FZD9: variants seen among roughly 807,000 people sequenced by gnomAD.
The protein encoded by FZD9 is frizzled-9.
Under a neutral mutation model 29.9 loss-of-function variants are expected in FZD9, and 29 were observed. The ratio of observed to expected loss-of-function variants is 0.97; its 90% CI spans 0.72 to 1.32. The LOEUF is 1.32. Ranked by LOEUF, FZD9 falls within the 40% of genes most tolerant of loss-of-function variation. The pLI is 0.00. For synonymous variants in FZD9, 384 were observed against 393.9 expected, an observed-to-expected ratio of 0.97 and a Z score of 0.30; for missense variants, 822 against 857.8, an observed-to-expected ratio of 0.96 and a Z score of 0.52.
Position 73,434,092 on chromosome 7 carries a change from G to T in FZD9, c.85G>T (p.Asp29Tyr). The change falls in exon 1 of 1, where the codon GAC becomes TAC. Residue 29 changes from aspartate (D) to tyrosine (Y), a missense_variant. By Grantham distance (160) the Asp-to-Tyr change is radical. Coordinates refer to ENST00000344575, the MANE Select transcript of FZD9 (RefSeq NM_003508.3). ...CGCGGCACTGGAGATCGGCCGCTTC[G>T]ACCCGGAGCGCGGGCGCGGGGCTGC... ...GGAALEIGRF[D>Y]PERGRGAAPC... is the part of the protein sequence containing the mutation. 7.2e-7 allele frequency: 1 copy of T among 1,387,896 alleles called. No homozygotes were observed. Among genetic ancestry groups the T allele is most frequent in the South Asian group, 1.7e-5 (1 of 57,486 alleles). The allele number at this position is 1,387,896 out of a possible 1,614,324, so 86.0% of individuals were successfully genotyped here.
chr7:73,434,880 C>T lies in FZD9; in HGVS notation c.873C>T (p.Ser291=), dbSNP rs782712314. Residue 291 remains serine, a synonymous_variant, in exon 1 of 1, where the codon AGC becomes AGT. Coordinates refer to ENST00000344575, the MANE Select transcript of FZD9 (RefSeq NM_003508.3). ...FLIRAVAGAQ[S]VACDQEAGAL... ...TCCGTGCGGTGGCCGGAGCGCAGAG[C>T]GTGGCCTGTGACCAGGAGGCGGGCG... is the stretch of plus-strand genomic sequence containing the variant. 1.4e-5 allele frequency: 22 copies of T among 1,613,548 alleles called. No homozygotes were observed. The highest frequency in any genetic ancestry group is 1.7e-5 in the Non-Finnish European group (20 of 1,179,964).
In FZD9 at chr7:73,434,873, C is replaced by A. The variant is rs782039651; in HGVS notation, c.866C>A (p.Ala289Glu). 2 of 1,613,506 alleles carry A rather than the reference C, an allele frequency of 1.2e-6. No individual in the cohort carries two copies. The highest frequency in any genetic ancestry group is 3.3e-5 in the Admixed American group (2 of 60,036). ...LAFLIRAVAG[A>E]QSVACDQEAG... The stretch of plus-strand genomic sequence containing the variant: ...TTCCTGATCCGTGCGGTGGCCGGAG[C>A]GCAGAGCGTGGCCTGTGACCAGGAG... Residue 289 changes from alanine to glutamate, a missense_variant, in exon 1 of 1, where the codon GCG becomes GAG. Ala to Glu is a moderately radical substitution (Grantham distance 107). Transcript: ENST00000344575.
rs1787401716 is a variant in FZD9 at position 73,435,510 on chromosome 7, G to A, written c.1503G>A (p.Gly501=). Residue 501 remains glycine (G), a synonymous_variant, in exon 1 of 1, where the codon GGG becomes GGA. Transcript: ENST00000344575. ...GCCGGAGGGACTGCTCGCTGCCAGG[G>A]GGCTCGGTGCCCACCGTGGCGGTCT... ...PGGRRDCSLP[G]GSVPTVAVFM... 1 of 1,613,166 alleles carries A rather than the reference G, an allele frequency of 6.2e-7. No individual in the cohort carries two copies. Among genetic ancestry groups the A allele is most frequent in the East Asian group, 2.2e-5 (1 of 44,876 alleles).
In FZD9 at chr7:73,435,443, G is replaced by A. The variant is rs1390816222; in HGVS notation, c.1436G>A (p.Arg479Gln). Reference sequence around the variant, plus strand: ...CTCAACATGGACTTCTGGCGCCTTCGGGCCACAGAGCAGCCATGCGCAGCG... The same window carrying A: ...CTCAACATGGACTTCTGGCGCCTTCAGGCCACAGAGCAGCCATGCGCAGCG... ...ERLNMDFWRLRATEQPCAAAA... is the reference protein window; with the variant it reads ...ERLNMDFWRLQATEQPCAAAA... Residue 479 changes from arginine (R) to glutamine (Q), a missense_variant, in exon 1 of 1, where the codon CGG (arginine) becomes CAG (glutamine). Arg to Gln is a conservative substitution (Grantham distance 43). Transcript: ENST00000344575. 7.4e-6 allele frequency: 12 copies of A among 1,613,392 alleles called. No individual in the cohort carries two copies. The highest frequency in any genetic ancestry group is 1.6e-4 in the Middle Eastern group (1 of 6,084).
Position 73,434,284 on chromosome 7 carries a change from T to G in FZD9, c.277T>G (p.Cys93Gly), listed in dbSNP as rs1554563225. The G allele has an allele frequency of 6.3e-7, 1 of 1,588,566 alleles. No homozygotes were observed. The highest frequency in any genetic ancestry group is 1.1e-5 in the South Asian group (1 of 88,548). ...CCACAGCCACCTGCGCTTCTTCCTG[T>G]GCTCGCTCTACGCGCCCATGTGCAC... ...GCHSHLRFFL[C>G]SLYAPMCTDQ... The change falls in exon 1 of 1, where the codon TGC becomes GGC. Residue 93 changes from cysteine (C) to glycine (G), a missense_variant. Physicochemically the swap from Cys to Gly is radical, Grantham distance 159 (BLOSUM62 -3). Transcript: ENST00000344575.
In FZD9 at chr7:73,434,370, C is replaced by T. The variant is rs1362204249; in HGVS notation, c.363C>T (p.Arg121=). The T allele has an allele frequency of 6.3e-7, 1 of 1,584,344 alleles. No homozygotes were observed. The highest frequency in any genetic ancestry group is 1.4e-5 in the African/African-American group (1 of 73,674). The change falls in exon 1 of 1, where the codon CGC becomes CGT. Residue 121 remains arginine, a synonymous_variant. Transcript: ENST00000344575. ...CCATGTGCGAGCAGGCGCGCCTGCGCTGCGCGCCCATCATGGAGCAGTTCA... is the reference window on the plus strand; with the variant it reads ...CCATGTGCGAGCAGGCGCGCCTGCGTTGCGCGCCCATCATGGAGCAGTTCA... ...CRPMCEQARL[R]CAPIMEQFNF... is the part of the protein sequence containing the mutation.
In FZD9 at chr7:73,435,445, G is replaced by A. The variant is rs782604860; in HGVS notation, c.1438G>A (p.Ala480Thr). The A allele has an allele frequency of 6.2e-7, 1 of 1,613,540 alleles. No homozygotes were observed. Among genetic ancestry groups the A allele is most frequent in the South Asian group, 1.1e-5 (1 of 91,086 alleles). ...RLNMDFWRLRATEQPCAAAAG... is the reference protein window; with the variant it reads ...RLNMDFWRLRTTEQPCAAAAG... ...CAACATGGACTTCTGGCGCCTTCGG[G>A]CCACAGAGCAGCCATGCGCAGCGGC... The change falls in exon 1 of 1, where the codon GCC (alanine) becomes ACC (threonine). Residue 480 changes from alanine to threonine, a missense_variant. Transcript: ENST00000344575.
Position 73,436,022 on chromosome 7 carries a change from A to G in FZD9, c.*239A>G, listed in dbSNP as rs1384365384. 6.1e-6 allele frequency: 3 copies of G among 492,698 alleles called. No individual in the cohort carries two copies. In the East Asian group the frequency reaches 9.8e-5, roughly 16 times the overall value. The allele number at this position is 492,698 out of a possible 1,614,324, so 30.5% of individuals were successfully genotyped here. ...CACAGGGTCCTAGTGGAGGATGTGG[A>G]GGGGCGGGGCAGAGGGGTCCAGCCG... is the stretch of plus-strand genomic sequence containing the variant. On this transcript the variant is annotated 3_prime_UTR_variant, in exon 1 of 1. Coordinates refer to ENST00000344575, the MANE Select transcript of FZD9 (RefSeq NM_003508.3).
chr7:73,434,004 C>A lies in FZD9; in HGVS notation c.-4C>A. Reference sequence around the variant, plus strand: ...GCTCCCGCCTTCGGCCCGGGCCTCCCGGGATGGCCGTGGCGCCTCTGCGGG... The same window carrying A: ...GCTCCCGCCTTCGGCCCGGGCCTCCAGGGATGGCCGTGGCGCCTCTGCGGG... On this transcript the variant is annotated 5_prime_UTR_variant, in exon 1 of 1. Coordinates refer to ENST00000344575, the MANE Select transcript of FZD9 (RefSeq NM_003508.3). The A allele has an allele frequency of 8.3e-7, 1 of 1,211,456 alleles. No homozygotes were observed. Among genetic ancestry groups the A allele is most frequent in the Non-Finnish European group, 1.0e-6 (1 of 975,500 alleles). 75.0% of individuals were successfully genotyped at this position (1,211,456 alleles called of 1,614,324 possible). A position where few individuals can be genotyped will look rare whatever the true frequency, so the allele number is the denominator to read the frequency against.
chr7:73,434,988 C>G lies in FZD9; in HGVS notation c.981C>G (p.Ser327Arg). The stretch of plus-strand genomic sequence containing the variant: ...TGCTCTACTACTTCGGCATGGCCAG[C>G]TCGCTCTGGTGGGTGGTCCTGACGC... ...FLLLYYFGMA[S>R]SLWWVVLTLT... is the part of the protein sequence containing the mutation. The change falls in exon 1 of 1, where the codon AGC (serine) becomes AGG (arginine). Residue 327 changes from serine to arginine, a missense_variant. Transcript: ENST00000344575. 1 of 1,614,094 alleles carries G rather than the reference C, an allele frequency of 6.2e-7. No individual in the cohort carries two copies. Among genetic ancestry groups the G allele is most frequent in the Non-Finnish European group, 8.5e-7 (1 of 1,180,022 alleles).
rs1344489062 is a variant in FZD9 at position 73,433,982 on chromosome 7, C to T, written c.-26C>T. 5.9e-6 allele frequency: 7 copies of T among 1,188,240 alleles called. No homozygotes were observed. In the East Asian group the frequency reaches 1.8e-4, roughly 31 times the overall value. 73.6% of individuals were successfully genotyped at this position (1,188,240 alleles called of 1,614,324 possible). On this transcript the variant is annotated 5_prime_UTR_variant, in exon 1 of 1. Coordinates refer to ENST00000344575, the MANE Select transcript of FZD9 (RefSeq NM_003508.3). The stretch of plus-strand genomic sequence containing the variant: ...AGCCCGAGTGAGCCGGGGCCGCGCT[C>T]CCGCCTTCGGCCCGGGCCTCCCGGG...
rs1583872850 is a variant in FZD9, at chr7:73,435,299, T to A, written c.1292T>A (p.Met431Lys). ...GCCCTCTTCCACATCCGCAAGATCA[T>A]GAAGACGGGCGGCACCAACACAGAG... ...FVALFHIRKIMKTGGTNTEKL... is the reference protein window; with the variant it reads ...FVALFHIRKIKKTGGTNTEKL... Residue 431 changes from methionine to lysine, a missense_variant, in exon 1 of 1, where the codon ATG becomes AAG. Coordinates refer to ENST00000344575, the MANE Select transcript of FZD9 (RefSeq NM_003508.3). 1 of 1,613,890 alleles carries A rather than the reference T, an allele frequency of 6.2e-7. No homozygotes were observed. The highest frequency in any genetic ancestry group is 2.2e-5 in the East Asian group (1 of 44,878).
rs1554563527 is a variant in FZD9 at position 73,435,126 on chromosome 7, C to A, written c.1119C>A (p.Ile373=). 6.2e-7 allele frequency: 1 copy of A among 1,611,984 alleles called. No individual in the cohort carries two copies. The highest frequency in any genetic ancestry group is 1.1e-5 in the South Asian group (1 of 91,044). Residue 373 remains isoleucine, a synonymous_variant, in exon 1 of 1, where the codon ATC becomes ATA. Coordinates refer to ENST00000344575, the MANE Select transcript of FZD9 (RefSeq NM_003508.3). ...TGCCCGCGCTCAAGACCATCGTCAT[C>A]CTGACCCTGCGCAAGGTGGCGGGTG... ...WGLPALKTIV[I]LTLRKVAGDE...
Position 73,434,252 on chromosome 7 carries a change from A to T in FZD9, c.245A>T (p.Tyr82Phe), listed in dbSNP as rs372060832. 8.2e-6 allele frequency: 13 copies of T among 1,587,272 alleles called. No individual in the cohort carries two copies. In the African/African-American group the frequency reaches 1.6e-4, roughly 20 times the overall value. ...GCGGAGTTCGCGCCGCTGGTGCAGT[A>T]CGGCTGCCACAGCCACCTGCGCTTC... Reference protein sequence around the residue: ...ELAEFAPLVQYGCHSHLRFFL... With the variant: ...ELAEFAPLVQFGCHSHLRFFL... The change falls in exon 1 of 1, where the codon TAC becomes TTC. Residue 82 changes from tyrosine to phenylalanine, a missense_variant. By Grantham distance (22) the Tyr-to-Phe change is conservative. Transcript: ENST00000344575.
chr7:73,435,644 C>T lies in FZD9; in HGVS notation c.1637C>T (p.Ala546Val). 2.0e-5 allele frequency: 32 copies of T among 1,613,166 alleles called. No individual in the cohort carries two copies. Among genetic ancestry groups the T allele is most frequent in the Non-Finnish European group, 2.6e-5 (31 of 1,179,862 alleles). ...TWQSLCYRKI[A>V]AGRARAKACR... is the part of the protein sequence containing the mutation. ...CAGAGCCTGTGCTACCGCAAGATAGCAGCTGGCCGGGCCCGGGCCAAGGCC... is the reference window on the plus strand; with the variant it reads ...CAGAGCCTGTGCTACCGCAAGATAGTAGCTGGCCGGGCCCGGGCCAAGGCC... The change falls in exon 1 of 1, where the codon GCA becomes GTA. Residue 546 changes from alanine to valine, a missense_variant. Coordinates refer to ENST00000344575, the MANE Select transcript of FZD9 (RefSeq NM_003508.3).
rs1161513152 is a variant in FZD9, at chr7:73,434,373, C to T, written c.366C>T (p.Cys122=). The part of the protein sequence containing the change: ...RPMCEQARLR[C]APIMEQFNFG... ...TGTGCGAGCAGGCGCGCCTGCGCTG[C>T]GCGCCCATCATGGAGCAGTTCAACT... is the stretch of plus-strand genomic sequence containing the variant. The change falls in exon 1 of 1, where the codon TGC becomes TGT. Residue 122 remains cysteine (C), a synonymous_variant. Coordinates refer to ENST00000344575, the MANE Select transcript of FZD9 (RefSeq NM_003508.3). The T allele has an allele frequency of 1.9e-6, 3 of 1,583,784 alleles. No individual in the cohort carries two copies. Among genetic ancestry groups the T allele is most frequent in the Non-Finnish European group, 1.7e-6 (2 of 1,172,104 alleles).
Position 73,433,858 on chromosome 7 carries a change from GC to G in FZD9, c.-147del. ...GGCGGCTCCTGTCCCTCGGGCGGCT[GC>G]CCGCTCGCTGCCCAGGGCGCCCGGA... On this transcript the variant is annotated 5_prime_UTR_variant, in exon 1 of 1. Coordinates refer to ENST00000344575, the MANE Select transcript of FZD9 (RefSeq NM_003508.3). The G allele has an allele frequency of 1.9e-6, 1 of 525,968 alleles. No homozygotes were observed. 32.6% of individuals were successfully genotyped at this position (525,968 alleles called of 1,614,324 possible).
rs1299626235 is a variant in FZD9, at chr7:73,433,893, G to C, written c.-115G>C. 1.2e-6 allele frequency: 1 copy of C among 828,692 alleles called. No homozygotes were observed. The highest frequency in any genetic ancestry group is 1.8e-5 in the African/African-American group (1 of 54,414). 51.3% of individuals were successfully genotyped at this position (828,692 alleles called of 1,614,324 possible). On this transcript the variant is annotated 5_prime_UTR_variant, in exon 1 of 1. Coordinates refer to ENST00000344575, the MANE Select transcript of FZD9 (RefSeq NM_003508.3). The stretch of plus-strand genomic sequence containing the variant: ...TGCCCAGGGCGCCCGGACACACGTG[G>C]GCGGCTCAGCGATGGCCCGCGCCCC...
chr7:73,435,640 A>T lies in FZD9; in HGVS notation c.1633A>T (p.Ile545Leu). 1 of 1,613,022 alleles carries T rather than the reference A, an allele frequency of 6.2e-7. No individual in the cohort carries two copies. The highest frequency in any genetic ancestry group is 2.2e-5 in the East Asian group (1 of 44,868). The change falls in exon 1 of 1, where the codon ATA (isoleucine) becomes TTA (leucine). Residue 545 changes from isoleucine (I) to leucine (L), a missense_variant. By Grantham distance (5) the Ile-to-Leu change is conservative (BLOSUM62 2). Coordinates refer to ENST00000344575, the MANE Select transcript of FZD9 (RefSeq NM_003508.3). Reference protein sequence around the residue: ...QTWQSLCYRKIAAGRARAKAC... With the variant: ...QTWQSLCYRKLAAGRARAKAC... ...CTGGCAGAGCCTGTGCTACCGCAAG[A>T]TAGCAGCTGGCCGGGCCCGGGCCAA... is the stretch of plus-strand genomic sequence containing the variant.
Sources: allele counts gnomAD v4.1 joint callset, GRCh38; gene constraint gnomAD v4.1.1; transcripts MANE v1.5; gene names NCBI Gene and HGNC (gene_info 2026-07-23, HGNC 2026-07-21).